Variants in SLC8A1 observed in about 807,000 individuals in gnomAD.
SLC8A1 encodes the protein solute carrier family 8 member A1.
A neutral mutation model predicts 68.3 loss-of-function variants in SLC8A1; 18 were observed. The ratio of observed to expected loss-of-function variants is 0.26; its 90% CI spans 0.18 to 0.39. The LOEUF is 0.39. Ranked by LOEUF, SLC8A1 falls within the 10% of genes least tolerant of loss-of-function variation. The pLI is 1.00. For synonymous variants in SLC8A1, 475 were observed against 415.5 expected (o/e 1.14, Z -1.74); for missense variants, 985 against 1,156.7 (o/e 0.85, Z 2.15).
intron 2 of SLC8A1, chr2:40,255,108 A>AGTCTTCCATTCCTTCTATCTCG (rs2063683103): frequency 6.6e-6 from 1 of 151,222 alleles, no homozygotes. Context: ...TGCGCTTAAG[A>AGTCTTCCATTCCTTCTATCTCG]CAAGAATTTT....
At chr2:40,396,452 T>C (rs1358304525) in intron 2 of SLC8A1, among the ~76,000 whole-genome samples, 7 of 152,180 alleles carry the variant, frequency 4.6e-5, no homozygotes, top group Non-Finnish European at 1.0e-4. Context: ...CATTCTATTC[T>C]AGTAGCACAG....
intron 2 of SLC8A1, among the ~76,000 whole-genome samples, chr2:40,230,989 C>G (rs531064099): frequency 6.6e-6 from 1 of 152,122 alleles, no homozygotes; most frequent in Non-Finnish European, 1.5e-5. Flanking sequence ...ATCATCAAAC[C>G]GAGTGGTAAG....
At chr2:40,204,725 T>C (rs1437722689) in intron 2 of SLC8A1, among the ~76,000 whole-genome samples, 1 of 152,038 alleles carries the variant, frequency 6.6e-6, no homozygotes, top group Non-Finnish European at 1.5e-5. Flanking sequence ...AGGTGAAAAT[T>C]TAATAATAAC....
chr2:40,204,071 T>C (rs1400217963), intron 2 of SLC8A1, among the ~76,000 whole-genome samples: 1 of 151,980 alleles, frequency 6.6e-6, no homozygotes, highest in Non-Finnish European at 1.5e-5. Context: ...GAAAAACATG[T>C]AGAAAGATCC....
chr2:40,398,953 A>T (rs191808518), intron 2 of SLC8A1, among the ~76,000 whole-genome samples: 3 of 152,290 alleles, frequency 2.0e-5, no homozygotes, highest in Admixed American at 1.3e-4. Context: ...TTTATCTATC[A>T]TCTATATATT....
At chr2:40,250,061 T>C (rs551666025) in intron 2 of SLC8A1, among the ~76,000 whole-genome samples, 1 of 152,284 alleles carries the variant, frequency 6.6e-6, no homozygotes, top group Admixed American at 6.5e-5. Flanking sequence ...TTCTGTAACC[T>C]GACTTAACAA....
intron 2 of SLC8A1, among the ~76,000 whole-genome samples, chr2:40,235,998 C>T (rs1202876713): frequency 2.6e-5 from 4 of 151,574 alleles, no homozygotes. Context: ...TTTACATTTG[C>T]TGAGGAGAGC....
Position 40,328,504 on chromosome 2 carries a change from G to GT in SLC8A1, c.1808+99968_1808+99969insA, listed in dbSNP as rs2076080502. The stretch of plus-strand genomic sequence containing the variant: ...TATATTTCTGTAGGTAATGTCACCT[G>GT]ATGACTTAGCTCTTGTCATTACTTC... On this transcript the variant is annotated intron_variant, in intron 2 of 7. Coordinates refer to ENST00000406785, the Ensembl canonical transcript of SLC8A1. Among the ~76,000 whole-genome samples, 3 of 152,082 alleles carry GT rather than the reference G, an allele frequency of 2.0e-5. No individual in the cohort carries two copies. In the South Asian group the frequency reaches 6.2e-4, roughly 32 times the overall value.
chr2:40,178,966 CTTTATTA>C (rs1222116992), intron 2 of SLC8A1, among the ~76,000 whole-genome samples: 3 of 152,036 alleles, frequency 2.0e-5, no homozygotes, highest in Non-Finnish European at 4.4e-5. Flanking sequence ...CTTCACTGTG[CTTTATTA>C]TAGTTCCAAA....
At chr2:40,422,809 T>C (rs1027066271) in intron 2 of SLC8A1, among the ~76,000 whole-genome samples, 2 of 152,166 alleles carry the variant, frequency 1.3e-5, no homozygotes, top group Non-Finnish European at 2.9e-5. Flanking sequence ...GGCAAAGTAG[T>C]ATGGAAGAAC....
intron 6 of SLC8A1, among the ~76,000 whole-genome samples, chr2:40,152,604 CAG>C (rs1194450245): frequency 6.7e-6 from 1 of 148,734 alleles, no homozygotes; most frequent in African/African-American, 2.5e-5. Flanking sequence ...TTAGTAGAGA[CAG>C]AGTTTCGCCG....
chr2:40,098,391 G>A (rs1275144097), exon 8 of SLC8A1: 2 of 151,964 alleles, frequency 1.3e-5, no homozygotes, highest in Non-Finnish European at 2.9e-5. Flanking sequence ...CTTGCTAACT[G>A]CACAACTTAA....
chr2:40,465,463 C>T (rs562794120), intron 1 of SLC8A1, among the ~76,000 whole-genome samples: 2 of 152,292 alleles, frequency 1.3e-5, no homozygotes, highest in African/African-American at 4.8e-5. Context: ...TCACTGATGG[C>T]AATGTTGCCT....
At chr2:40,497,468 G>A (rs1336831861) in intron 1 of SLC8A1, among the ~76,000 whole-genome samples, 1 of 152,030 alleles carries the variant, frequency 6.6e-6, no homozygotes, top group African/African-American at 2.4e-5. Flanking sequence ...TCCACAGGGG[G>A]CAGTGGGAGC....
At position 40,462,483 on chromosome 2, in the gene SLC8A1, T is replaced by G. The variant is rs555607358; in HGVS notation, c.-24-32179A>C. Among the ~76,000 whole-genome samples, 4 of 152,064 alleles carry G rather than the reference T, an allele frequency of 2.6e-5. No individual in the cohort carries two copies. The East Asian group carries it at 7.7e-4, about 29-fold the overall frequency. ...AAGTTGGGAATCTTTTCTTTTTTTTTTTTCTTTGAGAGGCAGTATCTCATA... is the reference window on the plus strand; with the variant it reads ...AAGTTGGGAATCTTTTCTTTTTTTTGTTTCTTTGAGAGGCAGTATCTCATA... On this transcript the variant is annotated intron_variant, in intron 1 of 7. Coordinates refer to the SLC8A1 transcript ENST00000402441.
rs532015017 is a variant in SLC8A1, at chr2:40,325,241, A to G, written c.1808+103232T>C. On this transcript the variant is annotated intron_variant, in intron 2 of 7. Transcript: ENST00000406785. The stretch of plus-strand genomic sequence containing the variant: ...TGATGCTCAATGATGTAGAAAGAGC[A>G]TAACTCTGCCAGCCCTAGTAAGTGC... Among the ~76,000 whole-genome samples, 26 of 152,334 alleles carry G rather than the reference A, an allele frequency of 1.7e-4. No homozygotes were observed. In the South Asian group the frequency reaches 5.2e-3, roughly 30 times the overall value.
At chr2:40,209,800 C>T (rs543316940) in intron 2 of SLC8A1, among the ~76,000 whole-genome samples, 39 of 152,216 alleles carry the variant, frequency 2.6e-4, no homozygotes, top group African/African-American at 9.1e-4. Context: ...GCAAGATCAT[C>T]AGCTGACAGT....
chr2:40,287,384 A>T (rs1017180006), intron 2 of SLC8A1, among the ~76,000 whole-genome samples: 13 of 152,058 alleles, frequency 8.5e-5, no homozygotes, highest in Non-Finnish European at 1.6e-4. Context: ...GTTCTCAGTG[A>T]TGTAATAGGA....
chr2:40,177,186 A>G (rs1178497032), intron 3 of SLC8A1, among the ~76,000 whole-genome samples: 1 of 152,210 alleles, frequency 6.6e-6, no homozygotes, highest in Non-Finnish European at 1.5e-5. Context: ...ATATGCTAAA[A>G]TGAGCACTAG....
Sources: allele counts gnomAD v4.1 joint callset (sites outside exome capture counted in the v4.1 genomes callset), GRCh38; gene constraint gnomAD v4.1.1; transcripts MANE v1.5; gene names NCBI Gene and HGNC (gene_info 2026-07-23, HGNC 2026-07-21).